The following GHR variants were observed in gnomAD, a reference collection of about 807,000 sequenced individuals.
GHR encodes GH receptor.
In GHR, 35 loss-of-function variants were observed where a neutral mutation model predicts 67.1. The ratio of observed to expected loss-of-function variants is 0.52; its 90% CI spans 0.40 to 0.69. The LOEUF is 0.69. Ranked by LOEUF, GHR falls within the 30% of genes least tolerant of loss-of-function variation. GHR has a pLI of 0.00. For missense variants in GHR, 792 were observed against 764.6 expected, an observed-to-expected ratio of 1.04 and a Z score of -0.42; for synonymous variants, 272 against 269.1, an observed-to-expected ratio of 1.01 and a Z score of -0.10.
chr5:42,684,392 A>G, intron 3 of GHR, among the ~76,000 whole-genome samples: 1 of 152,224 alleles, frequency 6.6e-6, no homozygotes, highest in Non-Finnish European at 1.5e-5. Context: ...AATGTGAAAT[A>G]GTCTCCTCAG....
intron 1 of GHR, among the ~76,000 whole-genome samples, chr5:42,426,624 G>A (rs1742863618): frequency 6.6e-6 from 1 of 152,022 alleles, no homozygotes; most frequent in Admixed American, 6.6e-5. Context: ...AATTTCTGTG[G>A]TAATTATTTA....
rs6180 is a variant in GHR, at chr5:42,719,137, A to G, written c.1630A>G (p.Ile544Val). The G allele has an allele frequency of 6.2e-7, 1 of 1,613,626 alleles. No homozygotes were observed. The highest frequency in any genetic ancestry group is 8.5e-7 in the Non-Finnish European group (1 of 1,179,770). Reference sequence around the variant, plus strand: ...CTGTGAGGCAGATGCCAAAAAGTGCATCCCTGTGGCTCCTCACATCAAGGT... The same window carrying G: ...CTGTGAGGCAGATGCCAAAAAGTGCGTCCCTGTGGCTCCTCACATCAAGGT... ...YFCEADAKKC[I>V]PVAPHIKVES... The change falls in exon 10 of 10, where the codon ATC (isoleucine) becomes GTC (valine). Residue 544 changes from isoleucine to valine, a missense_variant. Ile to Val is a conservative substitution (Grantham distance 29). Coordinates refer to ENST00000230882, the MANE Select transcript of GHR (RefSeq NM_000163.5).
At position 42,721,870 on chromosome 5, in the gene GHR, T is replaced by A. The variant is rs1299299377; in HGVS notation, c.*2446T>A. ...TTATCAAACACCAACATAAAAATGA[T>A]CTAAACCACTCTGTATACTGTGAAT... is the stretch of plus-strand genomic sequence containing the variant. On this transcript the variant is annotated 3_prime_UTR_variant, in exon 10 of 10. Coordinates refer to ENST00000230882, the MANE Select transcript of GHR (RefSeq NM_000163.5). 3.3e-5 allele frequency: 5 copies of A among 152,290 alleles called. 1 individual carries two copies. The highest frequency in any genetic ancestry group is 3.3e-4 in the Admixed American group (5 of 15,280). 9.4% of individuals were successfully genotyped at this position (152,290 alleles called of 1,614,324 possible). A position where few individuals can be genotyped will look rare whatever the true frequency, so the allele number is the denominator to read the frequency against.
At chr5:42,450,152 C>A (rs1743984873) in intron 1 of GHR, among the ~76,000 whole-genome samples, 1 of 152,138 alleles carries the variant, frequency 6.6e-6, no homozygotes, top group Non-Finnish European at 1.5e-5. Context: ...GTGATACTGG[C>A]TTCATAGAAT....
At chr5:42,639,141 A>G (rs1344329263) in intron 3 of GHR, among the ~76,000 whole-genome samples, 2 of 152,204 alleles carry the variant, frequency 1.3e-5, no homozygotes, top group African/African-American at 2.4e-5. Flanking sequence ...TTGCAGCTGG[A>G]CTGTCTGAGA....
intron 1 of GHR, among the ~76,000 whole-genome samples, chr5:42,459,639 C>T (rs1227542576): frequency 6.6e-6 from 1 of 151,884 alleles, no homozygotes; most frequent in East Asian, 1.9e-4. Context: ...TGTAACAAAC[C>T]TGCATAGTAC....
chr5:42,619,177 A>G (rs57930516), intron 2 of GHR, among the ~76,000 whole-genome samples: 2,433 of 152,210 alleles, frequency 0.016, 63 homozygotes, highest in African/African-American at 0.056. Context: ...ATTCCAGCTC[A>G]CTGGGGTCTA....
intron 1 of GHR, chr5:42,468,657 G>T (rs1440654099): frequency 9.7e-7 from 1 of 1,034,138 alleles, no homozygotes; most frequent in South Asian, 1.3e-5. Context: ...GACTCCTTGC[G>T]CAGCTAGCTA....
At chr5:42,689,646 AT>A (rs1270430777) in intron 4 of GHR, among the ~76,000 whole-genome samples, 6 of 152,142 alleles carry the variant, frequency 3.9e-5, no homozygotes, top group Admixed American at 3.3e-4. Context: ...TATTTGAGGG[AT>A]GAAAAAGGCC....
intron 1 of GHR, chr5:42,548,098 C>A (rs1184140314): frequency 1.0e-6 from 1 of 985,412 alleles, no homozygotes; most frequent in East Asian, 1.1e-4. Context: ...GAGACTCCAG[C>A]CTAGGCCTGG....
intron 1 of GHR, among the ~76,000 whole-genome samples, chr5:42,518,059 T>C (rs372325681): frequency 6.6e-6 from 1 of 151,654 alleles, no homozygotes; most frequent in Non-Finnish European, 1.5e-5. Flanking sequence ...TGAAAAAGAA[T>C]GGTTGTAATC....
intron 1 of GHR, among the ~76,000 whole-genome samples, chr5:42,454,263 T>C (rs1238248467): frequency 6.6e-6 from 1 of 152,186 alleles, no homozygotes; most frequent in Non-Finnish European, 1.5e-5. Context: ...GTGCTGGCTT[T>C]CTCAAATGCT....
At chr5:42,637,471 T>C (rs1221115932) in intron 3 of GHR, among the ~76,000 whole-genome samples, 1 of 152,164 alleles carries the variant, frequency 6.6e-6, no homozygotes. Context: ...ACCACTCTAG[T>C]AGTCCCCTGT....
chr5:42,642,438 G>A (rs771026065), intron 3 of GHR, among the ~76,000 whole-genome samples: 3 of 151,974 alleles, frequency 2.0e-5, no homozygotes, highest in Non-Finnish European at 4.4e-5. Flanking sequence ...CAAAAAAGAG[G>A]GAGAGAGAGA....
chr5:42,468,615 T>C, intron 1 of GHR: 1 of 1,047,198 alleles, frequency 9.5e-7, no homozygotes, highest in Non-Finnish European at 1.4e-6. Flanking sequence ...ACGCCAACGC[T>C]GGAGGGCAGC....
chr5:42,555,858 G>A (rs1469053910), intron 1 of GHR, among the ~76,000 whole-genome samples: 5 of 152,168 alleles, frequency 3.3e-5, no homozygotes, highest in African/African-American at 1.2e-4. Context: ...TCAATGAAAG[G>A]CAGCTATTAT....
At chr5:42,443,991 A>G (rs1200104803) in intron 1 of GHR, among the ~76,000 whole-genome samples, 1 of 151,748 alleles carries the variant, frequency 6.6e-6, no homozygotes, top group Non-Finnish European at 1.5e-5. Flanking sequence ...ATATAGATAT[A>G]GACATAGACA....
chr5:42,566,071 CTT>C (rs1749916343), intron 2 of GHR, 127 bp downstream of exon 2: 1 of 1,035,836 alleles, frequency 9.7e-7, no homozygotes, highest in East Asian at 2.4e-5. Flanking sequence ...AAAAAGGAAA[CTT>C]GACTTAGCTT....
At chr5:42,540,898 A>G (rs944432463) in intron 1 of GHR, among the ~76,000 whole-genome samples, 2 of 151,060 alleles carry the variant, frequency 1.3e-5, no homozygotes, top group African/African-American at 2.4e-5. Flanking sequence ...AAGCAGATCT[A>G]GCACATTTTA....
Sources: allele counts gnomAD v4.1 joint callset (sites outside exome capture counted in the v4.1 genomes callset), GRCh38; gene constraint gnomAD v4.1.1; transcripts MANE v1.5; gene names NCBI Gene and HGNC (gene_info 2026-07-23, HGNC 2026-07-21).